FANCD2: variants seen among roughly 807,000 people sequenced by gnomAD.
FANCD2 encodes the protein FA complementation group D2.
In FANCD2, 131 loss-of-function variants were observed where a neutral mutation model predicts 192.3. That is an observed-to-expected ratio of 0.68 (90% CI 0.59 to 0.79). The LOEUF is 0.79. Among genes scored for constraint, FANCD2 ranks in the 30% least tolerant of loss-of-function variants. FANCD2 has a pLI of 0.00. For synonymous variants in FANCD2, 524 were observed against 612.5 expected (o/e 0.86, Z 2.13); for missense variants, 1,508 against 1,701.6 (o/e 0.89, Z 2.00).
chr3:10,028,826 A>G, intron 2 of FANCD2, 105 bp downstream of exon 2: 1 of 981,362 alleles, frequency 1.0e-6, no homozygotes, highest in Non-Finnish European at 1.6e-6. Flanking sequence ...TCAAAGTGTA[A>G]TGAATGGAGT....
chr3:10,054,436 CATGTATATACAT>C (rs1377875527), intron 18 of FANCD2, among the ~76,000 whole-genome samples: 12 of 56,580 alleles, frequency 2.1e-4, no homozygotes, highest in Non-Finnish European at 2.8e-4. Flanking sequence ...CATGTATATA[CATGTATATACAT>C]ATATATATAT....
At chr3:10,034,344 A>T in intron 3 of FANCD2, 125 bp from the exon 4 acceptor site, 1 of 727,092 alleles carries the variant, frequency 1.4e-6, no homozygotes. Context: ...AAAAAAAAAA[A>T]AGATTTGTCT....
intron 17 of FANCD2, among the ~76,000 whole-genome samples, chr3:10,050,365 T>C (rs62245511): frequency 0.041 from 6,292 of 152,074 alleles, 148 homozygotes; most frequent in Non-Finnish European, 0.059. Flanking sequence ...TGGCTCATGC[T>C]TGTAATCCCA....
intron 24 of FANCD2, 60 bp from the exon 25 acceptor site, chr3:10,065,804 C>T: frequency 1.9e-6 from 2 of 1,069,468 alleles, no homozygotes; most frequent in Non-Finnish European, 1.5e-6. Flanking sequence ...GCTCCAGAGG[C>T]AACCTCCAGG....
intron 30 of FANCD2, among the ~76,000 whole-genome samples, chr3:10,079,395 C>T (rs1693705148): frequency 6.6e-6 from 1 of 152,150 alleles, no homozygotes; most frequent in African/African-American, 2.4e-5. Flanking sequence ...GCCTCTGCCT[C>T]CTGGGTTCAA....
chr3:10,052,024 A>G (rs1252783167), intron 17 of FANCD2, among the ~76,000 whole-genome samples: 1 of 152,200 alleles, frequency 6.6e-6, no homozygotes, highest in African/African-American at 2.4e-5. Flanking sequence ...AGGTGGAGGT[A>G]AAGAATACCG....
intron 17 of FANCD2, among the ~76,000 whole-genome samples, chr3:10,050,698 A>G (rs1292405266): frequency 6.6e-6 from 1 of 151,974 alleles, no homozygotes; most frequent in Non-Finnish European, 1.5e-5. Flanking sequence ...GGCAGATGAA[A>G]GCAAATGTCC....
rs137916747 is a variant in FANCD2, at chr3:10,068,109, A to G, written c.2494+792A>G. On this transcript the variant is annotated intron_variant, in intron 26 of 43. Transcript: ENST00000675286. ...TACCCACTTATATAATACCACTATT[A>G]TAAAATACAGTATTGGAAGTCCTAG... 4.2e-3 allele frequency among the ~76,000 whole-genome samples: 636 copies of G among 152,332 alleles called. 4 individuals are homozygous for G. The highest frequency in any genetic ancestry group is 7.1e-3 in the Non-Finnish European group (485 of 68,036).
intron 7 of FANCD2, chr3:10,037,647 C>G (rs868475124): frequency 6.6e-6 from 1 of 151,216 alleles, no homozygotes; most frequent in Non-Finnish European, 1.5e-5. Flanking sequence ...TGAAGTGTTC[C>G]GTATATTGAA....
intron 28 of FANCD2, among the ~76,000 whole-genome samples, chr3:10,074,156 G>T (rs756603905): frequency 1.3e-5 from 2 of 152,092 alleles, no homozygotes; most frequent in Non-Finnish European, 2.9e-5. Flanking sequence ...ATCTTGGCCA[G>T]GCAGGTCTCA....
At chr3:10,032,793 T>G (rs1170329367) in intron 2 of FANCD2, 39 bp from the exon 3 acceptor site, 8 of 1,569,488 alleles carry the variant, frequency 5.1e-6, no homozygotes, top group Non-Finnish European at 6.1e-6. Flanking sequence ...ATTTTTCCTT[T>G]ACTATTTGCC....
chr3:10,029,199 C>T (rs769931863), intron 2 of FANCD2, among the ~76,000 whole-genome samples: 9 of 152,126 alleles, frequency 5.9e-5, no homozygotes, highest in Non-Finnish European at 8.8e-5. Flanking sequence ...CCCAAGAGTT[C>T]CAGATATAAG....
rs183523591 is a variant in FANCD2 at position 10,043,403 on chromosome 3, G to T, written c.990-81G>T. On this transcript the variant is annotated intron_variant, in intron 12 of 43. Transcript: ENST00000675286. ...TACATGAGGTTGTCATTTGCTCCAG[G>T]GTACATGGCAGGAACTCCGATCTTG... 2.7e-5 allele frequency: 30 copies of T among 1,130,210 alleles called. No homozygotes were observed. The African/African-American group carries it at 4.3e-4, about 16-fold the overall frequency. 70.0% of individuals were successfully genotyped at this position (1,130,210 alleles called of 1,614,324 possible).
At chr3:10,091,812 C>T (rs1456281468) in intron 37 of FANCD2, among the ~76,000 whole-genome samples, 2 of 152,178 alleles carry the variant, frequency 1.3e-5, no homozygotes, top group African/African-American at 4.8e-5. Flanking sequence ...TCAGCAACTA[C>T]CACCGGGTGC....
At chr3:10,058,186 G>C in intron 18 of FANCD2, 2 of 307,636 alleles carry the variant, frequency 6.5e-6, no homozygotes, top group South Asian at 3.7e-5. Flanking sequence ...CGAAGAGACC[G>C]TGGAGATTAG....
At chr3:10,069,459 G>GGCTCCC (rs758011243) in intron 26 of FANCD2, among the ~76,000 whole-genome samples, 4 of 129,516 alleles carry the variant, frequency 3.1e-5, no homozygotes, top group African/African-American at 3.9e-5. Context: ...TAGTTAAGAT[G>GGCTCCC]CCTCTCCCCC....
In FANCD2 at chr3:10,064,730, G is replaced by C. The variant is rs149564544; in HGVS notation, c.2023G>C (p.Asp675His). 1 of 1,614,140 alleles carries C rather than the reference G, an allele frequency of 6.2e-7. No homozygotes were observed. The highest frequency in any genetic ancestry group is 1.3e-5 in the African/African-American group (1 of 75,062). The change falls in exon 23 of 44, where the codon GAC (aspartate) becomes CAC (histidine). Residue 675 changes from aspartate (D) to histidine (H), a missense_variant and splice_region_variant. Asp to His is a moderately conservative substitution (Grantham distance 81). This residue lies in a region of FANCD2 where 59 missense variants were observed against 111.9 expected (regional missense o/e 0.53). Transcript: ENST00000675286. Reference sequence around the variant, plus strand: ...TCAGATTCTGGTTTTTCTCCGCAGTGACTTTCCATTTCCTGTGAAAGCACT... The same window carrying C: ...TCAGATTCTGGTTTTTCTCCGCAGTCACTTTCCATTTCCTGTGAAAGCACT... ...VVDSCVVPEG[D>H]FPFPVKALYG...
At chr3:10,051,616 T>TA (rs925826807) in intron 17 of FANCD2, among the ~76,000 whole-genome samples, 3 of 152,056 alleles carry the variant, frequency 2.0e-5, no homozygotes, top group Non-Finnish European at 4.4e-5. Flanking sequence ...GAGGAGAGAA[T>TA]AAAAAAAGTA....
At position 10,028,652 on chromosome 3, in the gene FANCD2, G is replaced by C. The variant is rs3732974; in HGVS notation, c.-6G>C. The C allele has an allele frequency of 3.9e-3, 6,336 of 1,613,792 alleles. 85 individuals carry two copies. Among genetic ancestry groups the C allele is most frequent in the East Asian group, 0.034 (1,523 of 44,866 alleles). On this transcript the variant is annotated 5_prime_UTR_variant, in exon 2 of 44. Transcript: ENST00000675286. ...AGTAATTTAAGTGCACAAGACATTG[G>C]TCAAAATGGTTTCCAAAAGAAGACT...
Sources: allele counts gnomAD v4.1 joint callset (sites outside exome capture counted in the v4.1 genomes callset), GRCh38; gene constraint gnomAD v4.1.1; regional missense constraint gnomAD v4.1.1; transcripts MANE v1.5; gene names NCBI Gene and HGNC (gene_info 2026-07-23, HGNC 2026-07-21).